Variants in STAT4 observed in about 807,000 individuals in gnomAD.
STAT4 encodes signal transducer and activator of transcription 4.
In STAT4, 42 loss-of-function variants were observed where a neutral mutation model predicts 110.5. The observed-to-expected ratio is 0.38, with a 90% confidence interval of 0.30 to 0.49. The LOEUF is 0.49. STAT4 is among the 20% of genes least tolerant of loss of function. The pLI is 0.95. For missense variants in STAT4, 632 were observed against 887.9 expected, an observed-to-expected ratio of 0.71 and a Z score of 3.66; for synonymous variants, 284 against 302.2, an observed-to-expected ratio of 0.94 and a Z score of 0.63.
intron 4 of STAT4, among the ~76,000 whole-genome samples, chr2:191,075,322 C>T (rs1697280479): frequency 6.6e-6 from 1 of 152,108 alleles, no homozygotes; most frequent in Admixed American, 6.6e-5. Flanking sequence ...GCATTGATTC[C>T]TCTACTTGTT....
chr2:191,034,918 T>C (rs1264797027), intron 17 of STAT4, among the ~76,000 whole-genome samples: 3 of 152,138 alleles, frequency 2.0e-5, no homozygotes, highest in Non-Finnish European at 4.4e-5. Context: ...AAGAGTAATA[T>C]AGGACGAAGC....
At chr2:191,151,405 G>A (rs1225818563), upstream of STAT4, 8 of 985,492 alleles carry the variant, frequency 8.1e-6, no homozygotes, top group African/African-American at 1.2e-4. This position sits in a 1 kb window ranked among gnomAD's most constrained non-coding sequence, Gnocchi z 4.7. Context: ...CCACCCCTGG[G>A]ATGGAAGGGA....
intron 3 of STAT4, among the ~76,000 whole-genome samples, chr2:191,085,410 T>C (rs989017744): frequency 4.0e-5 from 6 of 151,546 alleles, no homozygotes; most frequent in Non-Finnish European, 8.8e-5. Context: ...TGTTTAACTT[T>C]CTTTGGGTTA....
intron 4 of STAT4, among the ~76,000 whole-genome samples, chr2:191,075,374 A>G (rs571536315): frequency 5.3e-4 from 80 of 152,188 alleles, no homozygotes; most frequent in Non-Finnish European, 9.7e-4. Flanking sequence ...ATGGGATAAA[A>G]TATAATCTAA....
In STAT4 at chr2:191,062,112, T is replaced by C. The variant is rs1032371255; in HGVS notation, c.942-291A>G. On this transcript the variant is annotated intron_variant, in intron 9 of 23. Coordinates refer to ENST00000392320, the MANE Select transcript of STAT4 (RefSeq NM_003151.4). The surrounding 1 kb of genome is among the most constrained non-coding windows in gnomAD (Gnocchi z 4.9). ...CTCTGTTGCCCAGGCTGAAGTGCAG[T>C]GGCACGATCATAGCTCACTGCAGTC... Among the ~76,000 whole-genome samples the C allele has an allele frequency of 1.1e-4, 16 of 152,208 alleles. No homozygotes were observed. Among genetic ancestry groups the C allele is most frequent in the Non-Finnish European group, 1.9e-4 (13 of 68,030 alleles).
At chr2:191,111,940 CAA>C (rs2125364775) in intron 3 of STAT4, among the ~76,000 whole-genome samples, 1 of 152,190 alleles carries the variant, frequency 6.6e-6, no homozygotes, top group South Asian at 2.1e-4. Flanking sequence ...CTATGGTAAA[CAA>C]GAGCAGATCA....
intron 14 of STAT4, among the ~76,000 whole-genome samples, chr2:191,054,021 G>T (rs1696602379): frequency 6.6e-6 from 1 of 151,494 alleles, no homozygotes; most frequent in Admixed American, 6.6e-5. Context: ...CCAGCTACTT[G>T]CAAGGCTGAG....
chr2:191,043,059 G>A lies in STAT4; in HGVS notation c.1252-1911C>T, dbSNP rs1198394518. ...CTCCCAAAGTGCTGGGATTACAGGCGTGAGCCACTGCGCCCGGCCGTATTC... is the reference window on the plus strand; with the variant it reads ...CTCCCAAAGTGCTGGGATTACAGGCATGAGCCACTGCGCCCGGCCGTATTC... On this transcript the variant is annotated intron_variant, in intron 14 of 23. Transcript: ENST00000392320. This position sits in a 1 kb window ranked among gnomAD's most constrained non-coding sequence, Gnocchi z 4.8. Among the ~76,000 whole-genome samples, 11 of 152,184 alleles carry A rather than the reference G, an allele frequency of 7.2e-5. No individual in the cohort carries two copies. Among genetic ancestry groups the A allele is most frequent in the African/African-American group, 2.7e-4 (11 of 41,442 alleles).
At chr2:191,065,622 T>C (rs1696967116) in intron 7 of STAT4, among the ~76,000 whole-genome samples, 1 of 152,204 alleles carries the variant, frequency 6.6e-6, no homozygotes, top group Non-Finnish European at 1.5e-5. Context: ...CATAAAAATA[T>C]ATAGCATAGA....
rs1696790084 is a variant in STAT4, at chr2:191,059,430, C to G, written c.1035-661G>C. Among the ~76,000 whole-genome samples the G allele has an allele frequency of 1.3e-5, 2 of 152,176 alleles. No individual in the cohort carries two copies. Among genetic ancestry groups the G allele is most frequent in the Non-Finnish European group, 2.9e-5 (2 of 68,048 alleles). Reference sequence around the variant, plus strand: ...CTCAGATTTCTGTCCTGTGATGTAACCTACCTGTGGGTTCAGTGCAGTTTC... The same window carrying G: ...CTCAGATTTCTGTCCTGTGATGTAAGCTACCTGTGGGTTCAGTGCAGTTTC... On this transcript the variant is annotated intron_variant, in intron 10 of 23. Coordinates refer to ENST00000392320, the MANE Select transcript of STAT4 (RefSeq NM_003151.4). The surrounding 1 kb of genome is among the most constrained non-coding windows in gnomAD (Gnocchi z 4.7).
rs1359518962 is a variant in STAT4 at position 191,077,825 on chromosome 2, T to C, written c.274-1500A>G. On this transcript the variant is annotated intron_variant, in intron 3 of 23. Transcript: ENST00000392320. The surrounding 1 kb of genome is among the most constrained non-coding windows in gnomAD (Gnocchi z 4.1). ...TTTTACAGTCTTCCAAACTCTTTCT[T>C]TTTTCTCTTTAAATCAAAAGTCTCC... Among the ~76,000 whole-genome samples the C allele has an allele frequency of 6.6e-6, 1 of 152,044 alleles. No individual in the cohort carries two copies. The highest frequency in any genetic ancestry group is 1.5e-5 in the Non-Finnish European group (1 of 67,980).
chr2:191,029,788 T>C lies in STAT4; in HGVS notation c.*52A>G. 6.5e-7 allele frequency: 1 copy of C among 1,538,792 alleles called. No individual in the cohort carries two copies. Among genetic ancestry groups the C allele is most frequent in the Non-Finnish European group, 8.9e-7 (1 of 1,120,924 alleles). On this transcript the variant is annotated 3_prime_UTR_variant, in exon 24 of 24. Coordinates refer to ENST00000392320, the MANE Select transcript of STAT4 (RefSeq NM_003151.4). The surrounding 1 kb of genome is among the most constrained non-coding windows in gnomAD (Gnocchi z 4.5). ...AATGTGGTTATTGGGCAAAGAACAGTCTTTAAACTTTTTCATTTGCTTCCT... is the reference window on the plus strand; with the variant it reads ...AATGTGGTTATTGGGCAAAGAACAGCCTTTAAACTTTTTCATTTGCTTCCT...
Position 191,069,727 on chromosome 2 carries a change from T to C in STAT4, c.510A>G (p.Glu170=). The change falls in exon 6 of 24, where the codon GAA becomes GAG. Residue 170 remains glutamate (E), a synonymous_variant. Coordinates refer to ENST00000392320, the MANE Select transcript of STAT4 (RefSeq NM_003151.4). ...GAATTGTTTTATACCTGTAGTCAAA[T>C]TCGTCTTGCAGATCTTCTAAGTATT... The part of the protein sequence containing the change: ...DTKYLEDLQD[E]FDYRYKTIQT... The C allele has an allele frequency of 6.2e-7, 1 of 1,609,988 alleles. No homozygotes were observed. Among genetic ancestry groups the C allele is most frequent in the Non-Finnish European group, 8.5e-7 (1 of 1,178,564 alleles).
intron 3 of STAT4, among the ~76,000 whole-genome samples, chr2:191,079,717 G>A (rs1438629508): frequency 6.6e-6 from 1 of 151,754 alleles, no homozygotes; most frequent in African/African-American, 2.4e-5. Context: ...AAATGTATTT[G>A]TTAATTTCTA....
rs1302790948 is a variant in STAT4, at chr2:191,030,716, A to C, written c.2220+256T>G. On this transcript the variant is annotated intron_variant, in intron 23 of 23. Coordinates refer to ENST00000392320, the MANE Select transcript of STAT4 (RefSeq NM_003151.4). This position sits in a 1 kb window ranked among gnomAD's most constrained non-coding sequence, Gnocchi z 4.4. ...ATAGTGTGCTTGAGTAGGGTATAGG[A>C]ATATTTTGCCCTCTGGTGGTTTCTG... 5.1e-6 allele frequency: 2 copies of C among 389,768 alleles called. No individual in the cohort carries two copies. The highest frequency in any genetic ancestry group is 9.6e-6 in the Non-Finnish European group (2 of 207,858). The allele number at this position is 389,768 out of a possible 1,614,324, so 24.1% of individuals were successfully genotyped here.
intron 3 of STAT4, among the ~76,000 whole-genome samples, chr2:191,134,554 A>C (rs1699127266): frequency 6.6e-6 from 1 of 152,192 alleles, no homozygotes; most frequent in Admixed American, 6.5e-5. Context: ...AATGCACCCT[A>C]AGCCATCAAG....
Position 191,029,796 on chromosome 2 carries a change from CTT to C in STAT4, c.*42_*43del. ...TATTGGGCAAAGAACAGTCTTTAAA[CTT>C]TTTCATTTGCTTCCTTTCTTGGTGC... On this transcript the variant is annotated 3_prime_UTR_variant, in exon 24 of 24. Coordinates refer to ENST00000392320, the MANE Select transcript of STAT4 (RefSeq NM_003151.4). The surrounding 1 kb of genome is among the most constrained non-coding windows in gnomAD (Gnocchi z 4.5). 6.3e-7 allele frequency: 1 copy of C among 1,577,936 alleles called. No individual in the cohort carries two copies. The highest frequency in any genetic ancestry group is 8.7e-7 in the Non-Finnish European group (1 of 1,155,968).
chr2:191,089,971 C>A (rs1346334034), intron 3 of STAT4, among the ~76,000 whole-genome samples: 1 of 152,082 alleles, frequency 6.6e-6, no homozygotes, highest in African/African-American at 2.4e-5. Flanking sequence ...TTCTGTATAA[C>A]ACTATGATAC....
rs1371221590 is a variant in STAT4 at position 191,029,998 on chromosome 2, TAAAC to T, written c.2221-136_2221-133del. On this transcript the variant is annotated intron_variant, in intron 23 of 23. Coordinates refer to ENST00000392320, the MANE Select transcript of STAT4 (RefSeq NM_003151.4). The surrounding 1 kb of genome is among the most constrained non-coding windows in gnomAD (Gnocchi z 4.5). The stretch of plus-strand genomic sequence containing the variant: ...TTTTCTATTACCTAGTTAAAATACT[TAAAC>T]TAAGTATTTGCAAAAGTAATTGGGG... 3.5e-5 allele frequency: 25 copies of T among 714,464 alleles called. No homozygotes were observed. Among genetic ancestry groups the T allele is most frequent in the Middle Eastern group, 3.8e-4 (1 of 2,610 alleles). 44.3% of individuals were successfully genotyped at this position (714,464 alleles called of 1,614,324 possible).
Sources: gnomAD v4.1 joint callset for allele counts (sites outside exome capture counted in the v4.1 genomes callset) on GRCh38, gnomAD v4.1.1 for gene constraint, Gnocchi (gnomAD v3.1) non-coding constraint, MANE v1.5 for transcripts, NCBI Gene and HGNC (gene_info 2026-07-23, HGNC 2026-07-21) for gene names.